CDH13: variants seen among roughly 807,000 people sequenced by gnomAD.
CDH13 encodes the protein cadherin-13.
In CDH13, 24 loss-of-function variants were observed where a neutral mutation model predicts 63.8. The ratio of observed to expected loss-of-function variants is 0.38; its 90% CI spans 0.27 to 0.53. The LOEUF is 0.53. Ranked by LOEUF, CDH13 falls within the 20% of genes least tolerant of loss-of-function variation. The probability of loss-of-function intolerance (pLI) is 0.85; values close to 1 mark genes in which losing one functional copy is unlikely to be tolerated. For missense variants in CDH13, 1,049 were observed against 903.1 expected (o/e 1.16, Z -2.07); for synonymous variants, 503 against 355.3 (o/e 1.42, Z -4.67).
chr16:83,111,001 G>GAAAAAAAAAAAAA (rs2035029376), intron 3 of CDH13, among the ~76,000 whole-genome samples: 1 of 11,624 alleles, frequency 8.6e-5, no homozygotes, highest in Non-Finnish European at 1.8e-4. Context: ...TTAGGTTGTT[G>GAAAAAAAAAAAAA]CAAAAAAAAA....
chr16:83,009,303 C>T (rs1243438241), intron 2 of CDH13, among the ~76,000 whole-genome samples: 5 of 152,216 alleles, frequency 3.3e-5, no homozygotes, highest in African/African-American at 7.2e-5. Context: ...TTGATTTAAG[C>T]AGAGTGGATC....
intron 4 of CDH13, among the ~76,000 whole-genome samples, chr16:83,162,226 C>A (rs2037478616): frequency 1.3e-5 from 2 of 152,114 alleles, no homozygotes; most frequent in African/African-American, 2.4e-5. Flanking sequence ...GAGGACCAGG[C>A]ACTGACTAGA....
At chr16:83,717,388 G>A (rs1295103303) in intron 10 of CDH13, among the ~76,000 whole-genome samples, 2 of 152,170 alleles carry the variant, frequency 1.3e-5, no homozygotes, top group Non-Finnish European at 2.9e-5. Context: ...ATTGGGTTCA[G>A]TCTGAACTGA....
At chr16:83,728,950 C>A (rs1265525856) in intron 10 of CDH13, 1 of 153,394 alleles carries the variant, frequency 6.5e-6, no homozygotes, top group South Asian at 1.8e-4. Context: ...TTGCAGACAG[C>A]CACCTTCTTG....
At chr16:82,864,984 C>T (rs963387014) in intron 2 of CDH13, among the ~76,000 whole-genome samples, 1 of 152,158 alleles carries the variant, frequency 6.6e-6, no homozygotes, top group Non-Finnish European at 1.5e-5. Flanking sequence ...TCTACAGGCC[C>T]CACGCAAGTC....
chr16:83,790,802 C>G (rs1170923441), intron 13 of CDH13, among the ~76,000 whole-genome samples: 1 of 152,188 alleles, frequency 6.6e-6, no homozygotes, highest in Non-Finnish European at 1.5e-5. Context: ...TGCCATTAAG[C>G]TGTTTCTGTG....
intron 1 of CDH13, among the ~76,000 whole-genome samples, chr16:82,785,945 C>T (rs2151124422): frequency 6.6e-6 from 1 of 152,276 alleles, no homozygotes; most frequent in South Asian, 2.1e-4. Context: ...GCACGTGGCC[C>T]CTGCTACTGT....
At chr16:83,484,161 T>A (rs568087966) in intron 6 of CDH13, among the ~76,000 whole-genome samples, 8 of 152,204 alleles carry the variant, frequency 5.3e-5, no homozygotes, top group African/African-American at 1.4e-4. Context: ...GCCTAATGAC[T>A]GATACTCTGA....
At chr16:82,837,452 G>C (rs1567585542) in intron 1 of CDH13, among the ~76,000 whole-genome samples, 1 of 11,032 alleles carries the variant, frequency 9.1e-5, no homozygotes, top group African/African-American at 9.9e-5. Context: ...GGAAGTCCTA[G>C]AGTCCCCAAG....
chr16:82,701,741 T>C (rs992181504), intron 1 of CDH13, among the ~76,000 whole-genome samples: 3 of 152,158 alleles, frequency 2.0e-5, no homozygotes, highest in African/African-American at 7.2e-5. Flanking sequence ...CCTAACACTT[T>C]CCATACAAAT....
intron 3 of CDH13, among the ~76,000 whole-genome samples, chr16:83,085,011 C>G (rs1433524076): frequency 6.6e-6 from 1 of 152,218 alleles, no homozygotes; most frequent in Non-Finnish European, 1.5e-5. Flanking sequence ...GGCTATTCCT[C>G]TACTTCATCT....
chr16:83,035,207 G>A (rs115744461), intron 3 of CDH13, among the ~76,000 whole-genome samples: 1 of 152,192 alleles, frequency 6.6e-6, no homozygotes, highest in Non-Finnish European at 1.5e-5. Flanking sequence ...GTCCTACTGT[G>A]TGCAGCCAAG....
At chr16:82,729,226 T>G (rs2033267181) in intron 1 of CDH13, among the ~76,000 whole-genome samples, 1 of 152,162 alleles carries the variant, frequency 6.6e-6, no homozygotes, top group Non-Finnish European at 1.5e-5. Flanking sequence ...TTTTAATGGC[T>G]TCTAGAATGG....
At chr16:83,392,003 C>T (rs1453845365) in intron 6 of CDH13, among the ~76,000 whole-genome samples, 1 of 152,180 alleles carries the variant, frequency 6.6e-6, no homozygotes, top group African/African-American at 2.4e-5. Context: ...TCAGGAGCTC[C>T]ATGCATCGCG....
intron 7 of CDH13, among the ~76,000 whole-genome samples, chr16:83,535,371 A>T (rs1300422947): frequency 6.6e-6 from 1 of 152,248 alleles, no homozygotes; most frequent in African/African-American, 2.4e-5. Flanking sequence ...ATTTTAGTAG[A>T]TGCTGTGGCC....
At chr16:83,611,336 A>C (rs994722338) in intron 8 of CDH13, among the ~76,000 whole-genome samples, 2 of 151,892 alleles carry the variant, frequency 1.3e-5, no homozygotes, top group African/African-American at 4.8e-5. Flanking sequence ...GCCTACCCCA[A>C]AGGTTTAATT....
chr16:82,867,976 T>A (rs1170934560), intron 2 of CDH13, among the ~76,000 whole-genome samples: 1 of 152,240 alleles, frequency 6.6e-6, no homozygotes, highest in Non-Finnish European at 1.5e-5. Context: ...AAAATAACAA[T>A]GATAATTCTT....
At chr16:83,034,472 T>G (rs1447570407) in intron 3 of CDH13, among the ~76,000 whole-genome samples, 1 of 152,226 alleles carries the variant, frequency 6.6e-6, no homozygotes, top group African/African-American at 2.4e-5. Context: ...AGGCAAGCTT[T>G]TCTCTTACTT....
At chr16:82,896,770 CTTTTTTTTTTT>C (rs71382855) in intron 2 of CDH13, among the ~76,000 whole-genome samples, 84 of 55,556 alleles carry the variant, frequency 1.5e-3, no homozygotes, top group Admixed American at 3.0e-3. Context: ...CTGTGCAATT[CTTTTTTTTTTT>C]TTTTTTTTTT....
Sources: gnomAD v4.1 joint callset for allele counts (sites outside exome capture counted in the v4.1 genomes callset) on GRCh38, gnomAD v4.1.1 for gene constraint, MANE v1.5 for transcripts, NCBI Gene and HGNC (gene_info 2026-07-23, HGNC 2026-07-21) for gene names.